Variants in KRT85 observed in about 807,000 individuals in gnomAD.
KRT85 encodes the protein keratin 85.
A neutral mutation model predicts 53.7 loss-of-function variants in KRT85; 39 were observed. The ratio of observed to expected loss-of-function variants is 0.73; its 90% confidence interval spans 0.56 to 0.95. The LOEUF is 0.95. Ranked by LOEUF, KRT85 falls within the 40% of genes least tolerant of loss-of-function variation. The pLI is 0.00. For synonymous variants in KRT85, 291 were observed against 277.5 expected (o/e 1.05, Z -0.48); for missense variants, 668 against 686.0 (o/e 0.97, Z 0.29).
chr12:52,360,678 A>T lies in KRT85; in HGVS notation c.*175T>A. The T allele has an allele frequency of 1.5e-6, 1 of 685,636 alleles. No homozygotes were observed. The highest frequency in any genetic ancestry group is 2.5e-6 in the Non-Finnish European group (1 of 395,806). 42.5% of individuals were successfully genotyped at this position (685,636 alleles called of 1,614,324 possible). A position where few individuals can be genotyped will look rare whatever the true frequency, so the allele number is the denominator to read the frequency against. On this transcript the variant is annotated 3_prime_UTR_variant, in exon 9 of 9. Transcript: ENST00000257901. The stretch of plus-strand genomic sequence containing the variant: ...GAGGACAACTAGGATGCATCTCCCT[A>T]GCATGAAAAGGCGCAGGGGAGCGGC...
In KRT85 at chr12:52,360,682, T is replaced by C. The variant is rs1326413744; in HGVS notation, c.*171A>G. 4.2e-6 allele frequency: 3 copies of C among 708,016 alleles called. No individual in the cohort carries two copies. Among genetic ancestry groups the C allele is most frequent in the Non-Finnish European group, 2.4e-6 (1 of 414,716 alleles). The allele number at this position is 708,016 out of a possible 1,614,324, so 43.9% of individuals were successfully genotyped here. A position where few individuals can be genotyped will look rare whatever the true frequency, so the allele number is the denominator to read the frequency against. ...ACAACTAGGATGCATCTCCCTAGCA[T>C]GAAAAGGCGCAGGGGAGCGGCCCGA... On this transcript the variant is annotated 3_prime_UTR_variant, in exon 9 of 9. Coordinates refer to ENST00000257901, the MANE Select transcript of KRT85 (RefSeq NM_002283.4).
intron 7 of KRT85, 106 bp from the exon 8 acceptor site, chr12:52,361,604 CT>C: frequency 9.6e-7 from 1 of 1,039,494 alleles, no homozygotes; most frequent in Non-Finnish European, 1.5e-6. Flanking sequence ...GAGTCTACCC[CT>C]GAAAGGCAAG....
chr12:52,360,512 G>T lies in KRT85; in HGVS notation c.*341C>A. On this transcript the variant is annotated 3_prime_UTR_variant, in exon 9 of 9. Coordinates refer to ENST00000257901, the MANE Select transcript of KRT85 (RefSeq NM_002283.4). ...GGATGGCGCCTCCACCCAGAAGGTG[G>T]AGCTTCCGTGCTGACCACCACGCTG... 6.2e-6 allele frequency: 2 copies of T among 324,446 alleles called. No individual in the cohort carries two copies. The highest frequency in any genetic ancestry group is 1.2e-5 in the Non-Finnish European group (2 of 171,082). 20.1% of individuals were successfully genotyped at this position (324,446 alleles called of 1,614,324 possible).
At chr12:52,364,934 C>G (rs1396971339) in intron 2 of KRT85, 28 bp downstream of exon 2, 10 of 1,612,060 alleles carry the variant, frequency 6.2e-6, no homozygotes, top group Non-Finnish European at 8.5e-6. Context: ...TGAGTTTCCC[C>G]TGAGTCCCCC....
rs766037993 is a variant in KRT85 at position 52,367,297 on chromosome 12, C to A, written c.109G>T (p.Ala37Ser). ...KTGNRCCISAAPYRGVSCYRG... is the reference protein window; with the variant it reads ...KTGNRCCISASPYRGVSCYRG... ...TAGCAGGACACCCCTCGGTAGGGGGCGGCGCTGATGCAGCAGCGGTTGCCA... is the reference window on the plus strand; with the variant it reads ...TAGCAGGACACCCCTCGGTAGGGGGAGGCGCTGATGCAGCAGCGGTTGCCA... The change falls in exon 1 of 9, where the codon GCC (alanine) becomes TCC (serine). Residue 37 changes from alanine to serine, a missense_variant. Around this residue, in one of 3 missense-constraint regions of KRT85, gnomAD observed 158 missense variants for 141.8 expected, o/e 1.11. Coordinates refer to ENST00000257901, the MANE Select transcript of KRT85 (RefSeq NM_002283.4). 3 of 1,613,492 alleles carry A rather than the reference C, an allele frequency of 1.9e-6. No homozygotes were observed. The highest frequency in any genetic ancestry group is 2.2e-5 in the South Asian group (2 of 91,058).
intron 5 of KRT85, 84 bp from the exon 6 acceptor site, chr12:52,363,063 C>T (rs1447597222): frequency 6.9e-6 from 11 of 1,605,594 alleles, no homozygotes; most frequent in Admixed American, 3.4e-5. Context: ...ACAGGTTGTA[C>T]GGTGCTCAGC....
At chr12:52,365,214 GA>G in intron 1 of KRT85, 44 bp from the exon 2 acceptor site, 1 of 1,595,284 alleles carries the variant, frequency 6.3e-7, no homozygotes, top group Non-Finnish European at 8.6e-7. Context: ...AGCCTGGGGG[GA>G]GGCACCTGGT....
intron 4 of KRT85, 90 bp downstream of exon 4, chr12:52,363,978 T>C (rs746735515): frequency 2.6e-4 from 258 of 987,636 alleles, no homozygotes; most frequent in Non-Finnish European, 3.9e-4. Flanking sequence ...TTGGCAAACA[T>C]AGGCACACAC....
Position 52,360,581 on chromosome 12 carries a change from T to G in KRT85, c.*272A>C. 1 of 526,802 alleles carries G rather than the reference T, an allele frequency of 1.9e-6. No homozygotes were observed. Among genetic ancestry groups the G allele is most frequent in the East Asian group, 3.4e-5 (1 of 29,584 alleles). 32.6% of individuals were successfully genotyped at this position (526,802 alleles called of 1,614,324 possible). A position where few individuals can be genotyped will look rare whatever the true frequency, so the allele number is the denominator to read the frequency against. Reference sequence around the variant, plus strand: ...TGAGAGCTGGGGGAATAATACAAATTGGATACAGGTATTTTGGAGCTAAGT... The same window carrying G: ...TGAGAGCTGGGGGAATAATACAAATGGGATACAGGTATTTTGGAGCTAAGT... On this transcript the variant is annotated 3_prime_UTR_variant, in exon 9 of 9. Coordinates refer to ENST00000257901, the MANE Select transcript of KRT85 (RefSeq NM_002283.4).
In KRT85 at chr12:52,360,554, C is replaced by T; in HGVS notation, c.*299G>A. Reference sequence around the variant, plus strand: ...ACCACGCTGGGGGACTGGTCTTGTCCCTGAGAGCTGGGGGAATAATACAAA... The same window carrying T: ...ACCACGCTGGGGGACTGGTCTTGTCTCTGAGAGCTGGGGGAATAATACAAA... On this transcript the variant is annotated 3_prime_UTR_variant, in exon 9 of 9. Coordinates refer to ENST00000257901, the MANE Select transcript of KRT85 (RefSeq NM_002283.4). The T allele has an allele frequency of 2.3e-6, 1 of 437,334 alleles. No individual in the cohort carries two copies. The highest frequency in any genetic ancestry group is 4.3e-6 in the Non-Finnish European group (1 of 234,778). The allele number at this position is 437,334 out of a possible 1,614,324, so 27.1% of individuals were successfully genotyped here. A position where few individuals can be genotyped will look rare whatever the true frequency, so the allele number is the denominator to read the frequency against.
rs1279070975 is a variant in KRT85, at chr12:52,362,366, C to T, written c.1183G>A (p.Ala395Thr). The T allele has an allele frequency of 6.2e-7, 1 of 1,614,100 alleles. No homozygotes were observed. The highest frequency in any genetic ancestry group is 8.5e-7 in the Non-Finnish European group (1 of 1,180,048). ...AGCAGGCAGGCCATGTCCTGCTTGG[C>T]CTTCTGCAGGGCGCCCTCCAGCTCA... ...LAELEGALQKAKQDMACLLKE... is the reference protein window; with the variant it reads ...LAELEGALQKTKQDMACLLKE... Residue 395 changes from alanine to threonine, a missense_variant, in exon 7 of 9, where the codon GCC (alanine) becomes ACC (threonine). Ala to Thr is a moderately conservative substitution (Grantham distance 58). Transcript: ENST00000257901.
In KRT85 at chr12:52,360,979, C is replaced by G; in HGVS notation, c.1398G>C (p.Gln466His). The change falls in exon 9 of 9, where the codon CAG becomes CAC. Residue 466 changes from glutamine (Q) to histidine (H), a missense_variant. By Grantham distance (24) the Gln-to-His change is conservative. Transcript: ENST00000257901. The stretch of plus-strand genomic sequence containing the variant: ...CTATGGCTGAGGGGCCAGAAGTGAT[C>G]TGGCGCCCTGGGGTGGTGCTGTAGG... ...GLSYSTTPGR[Q>H]ITSGPSAIGG... is the part of the protein sequence containing the mutation. 6.2e-7 allele frequency: 1 copy of G among 1,613,596 alleles called. No homozygotes were observed. The highest frequency in any genetic ancestry group is 8.5e-7 in the Non-Finnish European group (1 of 1,179,934).
rs1457779642 is a variant in KRT85 at position 52,363,241 on chromosome 12, C to T, written c.951+5G>A. On this transcript the variant is annotated splice_donor_5th_base_variant and intron_variant, in intron 5 of 8. Coordinates refer to ENST00000257901, the MANE Select transcript of KRT85 (RefSeq NM_002283.4). ...CTTAGCAGGCAGGTGTCCTGTGCCA[C>T]TCACCTTGCTACGGTACCAGGACTC... 1 of 1,614,212 alleles carries T rather than the reference C, an allele frequency of 6.2e-7. No individual in the cohort carries two copies. The highest frequency in any genetic ancestry group is 1.3e-5 in the African/African-American group (1 of 75,066).
At position 52,362,126 on chromosome 12, in the gene KRT85, A is replaced by T. The variant is rs1939199282; in HGVS notation, c.1298+125T>A. On this transcript the variant is annotated intron_variant, in intron 7 of 8. Transcript: ENST00000257901. ...ACAGAAGCATTCAGTTATTATTATT[A>T]TTATTATTGAAGCTATTGTATTAGC... The T allele has an allele frequency of 6.3e-6, 7 of 1,116,368 alleles. No individual in the cohort carries two copies. The Admixed American group carries it at 1.4e-4, about 22-fold the overall frequency. 69.2% of individuals were successfully genotyped at this position (1,116,368 alleles called of 1,614,324 possible).
rs779303633 is a variant in KRT85 at position 52,363,325 on chromosome 12, A to C, written c.872T>G (p.Ile291Ser). Residue 291 changes from isoleucine (I) to serine (S), a missense_variant, in exon 5 of 9, where the codon ATC becomes AGC. Coordinates refer to ENST00000257901, the MANE Select transcript of KRT85 (RefSeq NM_002283.4). ...DNSRDLNMDC[I>S]IAEIKAQYDD... is the part of the protein sequence containing the mutation. ...ATACTGAGCCTTGATCTCAGCGATG[A>C]TGCAGTCCATGTTCAGGTCTCGGCT... 9 of 1,614,042 alleles carry C rather than the reference A, an allele frequency of 5.6e-6. No homozygotes were observed.
intron 5 of KRT85, 123 bp from the exon 6 acceptor site, chr12:52,363,102 C>T (rs1180870007): frequency 1.3e-6 from 2 of 1,559,692 alleles, no homozygotes; most frequent in Middle Eastern, 1.7e-4. Context: ...CAGTCCTGCC[C>T]TGCCACTTCA....
In KRT85 at chr12:52,364,156, T is replaced by G; in HGVS notation, c.698A>C (p.Asp233Ala). The G allele has an allele frequency of 6.2e-7, 1 of 1,614,146 alleles. No homozygotes were observed. Among genetic ancestry groups the G allele is most frequent in the South Asian group, 1.1e-5 (1 of 91,082 alleles). Residue 233 changes from aspartate to alanine, a missense_variant, in exon 4 of 9, where the codon GAC becomes GCC. Asp to Ala is a moderately radical substitution (Grantham distance 126). Transcript: ENST00000257901. ...GTCTGATTTCCGCAGGTAGGCACAG[T>G]CCACGTCCTGGCCGTGGGACAAAGA... ...NEFVVLKKDV[D>A]CAYLRKSDLE...
In KRT85 at chr12:52,362,845, A is replaced by T; in HGVS notation, c.1077+9T>A. On this transcript the variant is annotated intron_variant, in intron 6 of 8. Transcript: ENST00000257901. ...TGTGCTGCGTATTTGAATCCTCCAC[A>T]GACCCCACCTGGCACTTGGCATTCT... The T allele has an allele frequency of 1.2e-6, 2 of 1,614,130 alleles. No individual in the cohort carries two copies. The highest frequency in any genetic ancestry group is 1.7e-6 in the Non-Finnish European group (2 of 1,180,024).
rs61740813 is a variant in KRT85, at chr12:52,364,154, A to G, written c.700T>C (p.Cys234Arg). The part of the protein sequence containing the change: ...EFVVLKKDVD[C>R]AYLRKSDLEA... Reference sequence around the variant, plus strand: ...AGGTCTGATTTCCGCAGGTAGGCACAGTCCACGTCCTGGCCGTGGGACAAA... The same window carrying G: ...AGGTCTGATTTCCGCAGGTAGGCACGGTCCACGTCCTGGCCGTGGGACAAA... The change falls in exon 4 of 9, where the codon TGT (cysteine) becomes CGT (arginine). Residue 234 changes from cysteine (C) to arginine (R), a missense_variant. Around this residue, in one of 3 missense-constraint regions of KRT85, gnomAD observed 488 missense variants for 498.1 expected, o/e 0.98. Coordinates refer to ENST00000257901, the MANE Select transcript of KRT85 (RefSeq NM_002283.4). 4 of 1,614,168 alleles carry G rather than the reference A, an allele frequency of 2.5e-6. No homozygotes were observed. Among genetic ancestry groups the G allele is most frequent in the Non-Finnish European group, 3.4e-6 (4 of 1,180,008 alleles).
Sources: allele counts gnomAD v4.1 joint callset, GRCh38; gene constraint gnomAD v4.1.1; regional missense constraint gnomAD v4.1.1; transcripts MANE v1.5; gene names NCBI Gene and HGNC (gene_info 2026-07-23, HGNC 2026-07-21).